Variants in CNTNAP3B observed in about 807,000 individuals in gnomAD.
CNTNAP3B encodes the protein contactin-associated protein-like 3B.
Under a neutral mutation model 108.9 loss-of-function variants are expected in CNTNAP3B, and 25 were observed. The observed-to-expected ratio is 0.23, with a 90% CI of 0.17 to 0.32. The LOEUF (loss-of-function observed/expected upper bound fraction) is 0.32. CNTNAP3B is among the 10% of genes least tolerant of loss of function. The pLI is 1.00. For missense variants in CNTNAP3B, 252 were observed against 1,210.4 expected, an observed-to-expected ratio of 0.21 and a Z score of 11.75; for synonymous variants, 103 against 473.4, an observed-to-expected ratio of 0.22 and a Z score of 10.16.
intron 14 of CNTNAP3B, among the ~76,000 whole-genome samples, chr9:41,935,213 C>G (rs1219554339): frequency 2.6e-5 from 4 of 152,340 alleles, no homozygotes; most frequent in African/African-American, 7.2e-5. Context: ...CTTACTGTGC[C>G]TGAGGAACTG....
intron 18 of CNTNAP3B, among the ~76,000 whole-genome samples, chr9:41,913,594 G>A (rs1241904481): frequency 7.1e-6 from 1 of 140,516 alleles, no homozygotes; most frequent in Non-Finnish European, 1.5e-5. Context: ...TCACAATGTT[G>A]TGCAATTATC....
intron 2 of CNTNAP3B, among the ~76,000 whole-genome samples, chr9:42,098,550 T>C (rs1827958672): frequency 1.4e-5 from 1 of 72,710 alleles, no homozygotes; most frequent in Non-Finnish European, 2.6e-5. Flanking sequence ...GCCACTGCAC[T>C]CCAGCCTGGG....
intron 14 of CNTNAP3B, among the ~76,000 whole-genome samples, chr9:41,932,730 G>A (rs1451329512): frequency 4.0e-5 from 6 of 151,884 alleles, no homozygotes; most frequent in Admixed American, 3.3e-4. Context: ...ATGTTGGTCA[G>A]GCTGGTCTCG....
chr9:42,118,805 G>T (rs1479101354), intron 1 of CNTNAP3B, among the ~76,000 whole-genome samples: 1 of 105,584 alleles, frequency 9.5e-6, no homozygotes, highest in African/African-American at 4.1e-5. Flanking sequence ...ATCTCCTTAA[G>T]CTGATAAGCA....
In CNTNAP3B at chr9:42,098,735, G is replaced by C; in HGVS notation, c.196+5894C>G. On this transcript the variant is annotated intron_variant, in intron 2 of 23. Transcript: ENST00000377561. ...ATGGTTTCATATTCACTGAATACAA[G>C]TAAATTAATGAAACATTTTCAGGAC... 1.6e-5 allele frequency among the ~76,000 whole-genome samples: 2 copies of C among 124,222 alleles called. 1 individual carries two copies. Among genetic ancestry groups the C allele is most frequent in the Non-Finnish European group, 3.4e-5 (2 of 59,264 alleles). The allele number at this position is 124,222 out of a possible 152,430, so 81.5% of individuals were successfully genotyped here.
chr9:41,958,687 G>A (rs1302593598), intron 12 of CNTNAP3B, among the ~76,000 whole-genome samples: 1 of 150,320 alleles, frequency 6.7e-6, no homozygotes, highest in Non-Finnish European at 1.5e-5. Context: ...CCTCCAGGCA[G>A]GTTAGGCTCT....
At chr9:41,925,328 T>C (rs1823785197) in intron 15 of CNTNAP3B, among the ~76,000 whole-genome samples, 1 of 152,170 alleles carries the variant, frequency 6.6e-6, no homozygotes, top group Admixed American at 6.5e-5. Context: ...GCGCAGTGGC[T>C]CACGCCTGTA....
At chr9:41,968,654 T>C (rs1825353131) in intron 10 of CNTNAP3B, among the ~76,000 whole-genome samples, 1 of 143,146 alleles carries the variant, frequency 7.0e-6, no homozygotes, top group South Asian at 2.2e-4. Context: ...TGCGTTTTTT[T>C]AGTATGTCAC....
chr9:41,962,714 G>A (rs1340683139), intron 11 of CNTNAP3B, among the ~76,000 whole-genome samples: 41 of 149,286 alleles, frequency 2.7e-4, no homozygotes, highest in Admixed American at 1.1e-3. Context: ...CCAGCGCTTC[G>A]GGAGTCCAAG....
chr9:41,940,880 C>G (rs1354963776), intron 13 of CNTNAP3B, among the ~76,000 whole-genome samples: 9 of 152,394 alleles, frequency 5.9e-5, no homozygotes, highest in African/African-American at 1.7e-4. Flanking sequence ...TTGTCGCTAG[C>G]AGACATTCCC....
chr9:42,037,116 G>A (rs1826647979), intron 3 of CNTNAP3B, among the ~76,000 whole-genome samples: 1 of 146,604 alleles, frequency 6.8e-6, no homozygotes, highest in South Asian at 2.2e-4. Context: ...CAGAAAAGCT[G>A]AAAATTCTAA....
At chr9:42,055,100 T>A (rs1827037922) in intron 3 of CNTNAP3B, among the ~76,000 whole-genome samples, 1 of 139,514 alleles carries the variant, frequency 7.2e-6, no homozygotes, top group Non-Finnish European at 1.5e-5. Context: ...AAGAACTGCA[T>A]TAAAATCACT....
At chr9:41,921,373 C>T (rs1823662969) in intron 17 of CNTNAP3B, among the ~76,000 whole-genome samples, 1 of 152,084 alleles carries the variant, frequency 6.6e-6, no homozygotes, top group Admixed American at 6.6e-5. Context: ...CTAACCACGC[C>T]TGAAGCTAGG....
intron 8 of CNTNAP3B, among the ~76,000 whole-genome samples, chr9:41,986,711 A>C (rs1825711396): frequency 6.6e-6 from 1 of 150,500 alleles, no homozygotes. Context: ...TGAGTTGATA[A>C]AAAATATGTC....
rs1177356495 is a variant in CNTNAP3B at position 42,086,440 on chromosome 9, T to C, written c.197-9378A>G. Among the ~76,000 whole-genome samples, 3 of 139,778 alleles carry C rather than the reference T, an allele frequency of 2.1e-5. 1 individual carries two copies. Among genetic ancestry groups the C allele is most frequent in the African/African-American group, 8.5e-5 (3 of 35,470 alleles). The allele number at this position is 139,778 out of a possible 152,430, so 91.7% of individuals were successfully genotyped here. ...TACATTTTTGCATTTACTTTTTTTT[T>C]TTACATTTTTTTTTACATTTTACAA... On this transcript the variant is annotated intron_variant, in intron 2 of 23. Transcript: ENST00000377561.
intron 9 of CNTNAP3B, among the ~76,000 whole-genome samples, chr9:41,970,887 A>G (rs1442650638): frequency 6.8e-6 from 1 of 147,212 alleles, no homozygotes; most frequent in African/African-American, 2.6e-5. Context: ...ATTAAATTCT[A>G]ATGTTAACAA....
intron 3 of CNTNAP3B, among the ~76,000 whole-genome samples, chr9:42,026,883 T>C (rs1177190459): frequency 7.8e-6 from 1 of 128,132 alleles, no homozygotes; most frequent in African/African-American, 3.2e-5. Flanking sequence ...GGGAGACTTT[T>C]AAGCAAACAG....
intron 9 of CNTNAP3B, among the ~76,000 whole-genome samples, chr9:41,970,820 C>T (rs1425619749): frequency 1.5e-5 from 2 of 137,750 alleles, no homozygotes; most frequent in Admixed American, 7.3e-5. Context: ...CCTAGATTTG[C>T]TTTTCTAGTA....
In CNTNAP3B at chr9:41,929,261, C is replaced by A; in HGVS notation, c.2365+56G>T. ...CAAGAACAAGGGCATTTGTCTACCC[C>A]TTTATAACCAAAAAAAGTTATTATG... On this transcript the variant is annotated intron_variant, in intron 15 of 23. Transcript: ENST00000377561. 7 of 1,453,520 alleles carry A rather than the reference C, an allele frequency of 4.8e-6. 1 individual carries two copies. The highest frequency in any genetic ancestry group is 1.4e-5 in the South Asian group (1 of 72,044). The allele number at this position is 1,453,520 out of a possible 1,614,324, so 90.0% of individuals were successfully genotyped here.
Sources: gnomAD v4.1 joint callset for allele counts (sites outside exome capture counted in the v4.1 genomes callset) on GRCh38, gnomAD v4.1.1 for gene constraint, MANE v1.5 for transcripts, NCBI Gene and HGNC (gene_info 2026-07-23, HGNC 2026-07-21) for gene names.